Variants in WDR70 observed in about 807,000 individuals in gnomAD.
WDR70 encodes WD repeat domain 70, also known as WD repeat-containing protein 70.
Under a neutral mutation model 88.6 loss-of-function variants are expected in WDR70, and 53 were observed. That is an observed-to-expected ratio of 0.60 (90% confidence interval 0.48 to 0.75). WDR70 has a LOEUF of 0.75. WDR70 is among the 30% of genes least tolerant of loss of function. The probability of loss-of-function intolerance (pLI) is 0.00; values close to 1 mark genes in which losing one functional copy is unlikely to be tolerated. For synonymous variants in WDR70, 280 were observed against 270.0 expected, an observed-to-expected ratio of 1.04 and a Z score of -0.36; for missense variants, 610 against 823.2, an observed-to-expected ratio of 0.74 and a Z score of 3.17.
rs781569527 is a variant in WDR70 at position 37,605,126 on chromosome 5, C to G, written c.980C>G (p.Thr327Arg). 1 of 1,612,626 alleles carries G rather than the reference C, an allele frequency of 6.2e-7. No individual in the cohort carries two copies. The highest frequency in any genetic ancestry group is 8.5e-7 in the Non-Finnish European group (1 of 1,179,336). ...KKQKSVFKPRTMQGKKVIPTT... is the reference protein window; with the variant it reads ...KKQKSVFKPRRMQGKKVIPTT... The stretch of plus-strand genomic sequence containing the variant: ...CAAAAAAGTGTGTTTAAACCACGGA[C>G]GATGCAAGGCAAAAAAGTCATTCCC... The change falls in exon 10 of 18, where the codon ACG becomes AGG. Residue 327 changes from threonine (T) to arginine (R), a missense_variant. Thr to Arg is a moderately conservative substitution (Grantham distance 71). Coordinates refer to ENST00000265107, the MANE Select transcript of WDR70 (RefSeq NM_018034.4).
chr5:37,451,876 C>T (rs868075192), intron 7 of WDR70, among the ~76,000 whole-genome samples: 1 of 152,020 alleles, frequency 6.6e-6, no homozygotes, highest in African/African-American at 2.4e-5. Context: ...TGCCTGTTGT[C>T]CCAGCTACTA....
intron 9 of WDR70, among the ~76,000 whole-genome samples, chr5:37,540,857 G>C (rs1382552424): frequency 6.6e-6 from 1 of 152,072 alleles, no homozygotes; most frequent in Non-Finnish European, 1.5e-5. Context: ...CACTCTTTGT[G>C]AATCTACTTG....
intron 7 of WDR70, among the ~76,000 whole-genome samples, chr5:37,460,982 T>G (rs1738981088): frequency 6.6e-6 from 1 of 151,964 alleles, no homozygotes; most frequent in Non-Finnish European, 1.5e-5. Context: ...TATTTGCTTC[T>G]TTTTTGATAT....
At chr5:37,654,845 G>A (rs1314443131) in intron 10 of WDR70, among the ~76,000 whole-genome samples, 1 of 152,074 alleles carries the variant, frequency 6.6e-6, no homozygotes, top group Non-Finnish European at 1.5e-5. Flanking sequence ...GTGTGTCTTT[G>A]CACGTGAAAT....
chr5:37,428,863 C>T (rs1750218838), intron 5 of WDR70, among the ~76,000 whole-genome samples: 1 of 152,208 alleles, frequency 6.6e-6, no homozygotes, highest in African/African-American at 2.4e-5. Context: ...TACACTCTCA[C>T]CTGCAAAATT....
At chr5:37,463,098 C>T (rs1226497015) in intron 7 of WDR70, among the ~76,000 whole-genome samples, 1 of 152,034 alleles carries the variant, frequency 6.6e-6, no homozygotes, top group African/African-American at 2.4e-5. Context: ...ATGGCGAAAC[C>T]CCGTCTCTAC....
chr5:37,392,113 T>C lies in WDR70; in HGVS notation c.289T>C (p.Ser97Pro), dbSNP rs893837268. ...SNVVRDCSKSSSRDTSSSESE... is the reference protein window; with the variant it reads ...SNVVRDCSKSPSRDTSSSESE... ...TGTGGTCAGAGATTGCTCCAAATCA[T>C]CTTCCAGGTGCCTGATTTTCAGAAA... The change falls in exon 4 of 18, where the codon TCT becomes CCT. Residue 97 changes from serine (S) to proline (P), a missense_variant. Physicochemically the swap from Ser to Pro is moderately conservative, Grantham distance 74. Around this residue, in one of 4 missense-constraint regions of WDR70, gnomAD observed 203 missense variants for 228.1 expected, o/e 0.89. Coordinates refer to ENST00000265107, the MANE Select transcript of WDR70 (RefSeq NM_018034.4). 12 of 1,606,940 alleles carry C rather than the reference T, an allele frequency of 7.5e-6. No individual in the cohort carries two copies. The highest frequency in any genetic ancestry group is 1.7e-5 in the Admixed American group (1 of 57,734).
intron 13 of WDR70, among the ~76,000 whole-genome samples, chr5:37,710,687 G>C (rs137970460): frequency 6.6e-6 from 1 of 152,276 alleles, no homozygotes; most frequent in Non-Finnish European, 1.5e-5. Flanking sequence ...AATGGGATCA[G>C]TAACAGTGCT....
chr5:37,653,562 C>G (rs959573054), intron 10 of WDR70, among the ~76,000 whole-genome samples: 1 of 152,168 alleles, frequency 6.6e-6, no homozygotes. Context: ...GTGAATCCAT[C>G]TGGTCCTGGG....
chr5:37,624,544 G>A (rs746306510), intron 10 of WDR70, among the ~76,000 whole-genome samples: 5 of 152,088 alleles, frequency 3.3e-5, no homozygotes, highest in Admixed American at 6.6e-5. Flanking sequence ...TCTTTCCTTT[G>A]GATACCGTAG....
At chr5:37,537,933 C>G (rs1469854813) in intron 9 of WDR70, among the ~76,000 whole-genome samples, 1 of 152,098 alleles carries the variant, frequency 6.6e-6, no homozygotes, top group East Asian at 1.9e-4. Context: ...TTAAGAAATA[C>G]TCTTTTGGTT....
intron 8 of WDR70, among the ~76,000 whole-genome samples, chr5:37,492,307 CATTATA>C (rs1740091242): frequency 1.3e-5 from 2 of 152,188 alleles, no homozygotes; most frequent in Admixed American, 6.5e-5. Flanking sequence ...TGGCTTTTAA[CATTATA>C]ATTATATTTA....
intron 5 of WDR70, among the ~76,000 whole-genome samples, chr5:37,423,552 G>GT (rs1212319147): frequency 8.8e-4 from 108 of 122,896 alleles, no homozygotes; most frequent in Middle Eastern, 4.6e-3. Context: ...TTAAATGTTT[G>GT]TTTTTTTTTG....
intron 7 of WDR70, among the ~76,000 whole-genome samples, chr5:37,478,470 G>C (rs926150504): frequency 6.6e-6 from 1 of 152,142 alleles, no homozygotes; most frequent in Non-Finnish European, 1.5e-5. Flanking sequence ...TCCCAGGTCA[G>C]GTTTCCCAAA....
chr5:37,650,581 A>G (rs952860494), intron 10 of WDR70, among the ~76,000 whole-genome samples: 1 of 152,196 alleles, frequency 6.6e-6, no homozygotes. Context: ...GTTTAGCTCT[A>G]GGAATATTGG....
intron 17 of WDR70, among the ~76,000 whole-genome samples, chr5:37,743,476 G>C (rs1748544971): frequency 6.6e-6 from 1 of 152,202 alleles, no homozygotes; most frequent in Non-Finnish European, 1.5e-5. Flanking sequence ...TTGTGGGAGG[G>C]GCAGCAGCTA....
intron 3 of WDR70, among the ~76,000 whole-genome samples, chr5:37,384,990 G>T (rs888700690): frequency 6.6e-6 from 1 of 152,130 alleles, no homozygotes; most frequent in Admixed American, 6.5e-5. Context: ...TCCCATGACC[G>T]CTCTTTTTGG....
intron 9 of WDR70, among the ~76,000 whole-genome samples, chr5:37,589,098 G>T (rs1743447931): frequency 6.6e-6 from 1 of 151,882 alleles, no homozygotes; most frequent in South Asian, 2.1e-4. Flanking sequence ...TTGCTATATT[G>T]TTCAGGCTGG....
chr5:37,579,015 G>A (rs375718734), intron 9 of WDR70, among the ~76,000 whole-genome samples: 2 of 152,134 alleles, frequency 1.3e-5, no homozygotes, highest in Admixed American at 6.5e-5. Context: ...TCTTCAAACT[G>A]TCTGTTCCTT....
Sources: gnomAD v4.1 joint callset for allele counts (sites outside exome capture counted in the v4.1 genomes callset) on GRCh38, gnomAD v4.1.1 for gene constraint, gnomAD v4.1.1 regional missense constraint, MANE v1.5 for transcripts, NCBI Gene and HGNC (gene_info 2026-07-23, HGNC 2026-07-21) for gene names.